The following PEX1 variants were observed in gnomAD, a reference collection of about 807,000 sequenced individuals.
PEX1 encodes peroxisomal biogenesis factor 1, also known as peroxisomal ATPase PEX1.
PEX1 carries 97 observed loss-of-function variants against 152.5 expected under a neutral mutation model. The observed-to-expected ratio is 0.64, with a 90% CI of 0.54 to 0.75. The LOEUF is 0.75. PEX1 is among the 30% of genes least tolerant of loss of function. The pLI, the probability that PEX1 is intolerant of heterozygous loss-of-function variation, is 0.00. For synonymous variants in PEX1, 485 were observed against 531.6 expected, an observed-to-expected ratio of 0.91 and a Z score of 1.21; for missense variants, 1,357 against 1,516.3, an observed-to-expected ratio of 0.89 and a Z score of 1.74.
chr7:92,526,891 T>C (rs1793290709), intron 1 of PEX1, among the ~76,000 whole-genome samples: 1 of 152,230 alleles, frequency 6.6e-6, no homozygotes, highest in Admixed American at 6.5e-5. Flanking sequence ...ACTTATTTTC[T>C]TGTTAATAAT....
At position 92,518,983 on chromosome 7, in the gene PEX1, G is replaced by A. The variant is rs1792932422; in HGVS notation, c.357+12C>T. 1 of 1,571,374 alleles carries A rather than the reference G, an allele frequency of 6.4e-7. No individual in the cohort carries two copies. Among genetic ancestry groups the A allele is most frequent in the East Asian group, 2.2e-5 (1 of 44,634 alleles). ...ACCTTAAATGAGATAGTTCTTATTT[G>A]GTTTTCTTTACCAGTATCTCCCAAT... is the stretch of plus-strand genomic sequence containing the variant. On this transcript the variant is annotated intron_variant, in intron 3 of 23. Coordinates refer to ENST00000248633, the MANE Select transcript of PEX1 (RefSeq NM_000466.3).
In PEX1 at chr7:92,511,153, T is replaced by C. The variant is rs200489532; in HGVS notation, c.1484-106A>G. On this transcript the variant is annotated intron_variant, in intron 7 of 23. Coordinates refer to ENST00000248633, the MANE Select transcript of PEX1 (RefSeq NM_000466.3). ...TTTAAGTTAAAGACTTTTTTTTTTT[T>C]CCCCCCAACAGGGTCTCACTCTGCT... The C allele has an allele frequency of 3.2e-3, 1,963 of 612,986 alleles. 14 individuals are homozygous for C. Among genetic ancestry groups the C allele is most frequent in the African/African-American group, 0.022 (1,106 of 51,408 alleles). 38.0% of individuals were successfully genotyped at this position (612,986 alleles called of 1,614,324 possible).
rs566868762 is a variant in PEX1 at position 92,487,445 on chromosome 7, AAG to A, written c.*10_*11del. On this transcript the variant is annotated 3_prime_UTR_variant, in exon 24 of 24. Coordinates refer to ENST00000248633, the MANE Select transcript of PEX1 (RefSeq NM_000466.3). ...AAAAACTTAACAGAACCAAATCAAA[AAG>A]AAGTATATTTTATGCTAAAGTTACT... is the stretch of plus-strand genomic sequence containing the variant. 278 of 1,453,158 alleles carry A rather than the reference AAG, an allele frequency of 1.9e-4. 1 individual carries two copies. Among genetic ancestry groups the A allele is most frequent in the Non-Finnish European group, 2.5e-4 (265 of 1,041,478 alleles). The allele number at this position is 1,453,158 out of a possible 1,614,324, so 90.0% of individuals were successfully genotyped here.
intron 2 of PEX1, among the ~76,000 whole-genome samples, chr7:92,520,967 A>G (rs775321333): frequency 6.6e-6 from 1 of 150,962 alleles, no homozygotes; most frequent in Non-Finnish European, 1.5e-5. Context: ...ATGAATATGT[A>G]TTATTACTAC....
intron 5 of PEX1, among the ~76,000 whole-genome samples, chr7:92,515,089 A>C (rs1227358443): frequency 0.04 from 169 of 4,234 alleles, 5 homozygotes; most frequent in Non-Finnish European, 0.053. Flanking sequence ...ATATATATAT[A>C]TATATATATA....
At chr7:92,522,058 T>G (rs1255674109) in intron 2 of PEX1, 44 bp downstream of exon 2, 8 of 1,583,618 alleles carry the variant, frequency 5.1e-6, no homozygotes, top group Non-Finnish European at 6.9e-6. Context: ...TATTGCTATA[T>G]TATGTGATAT....
rs955834633 is a variant in PEX1 at position 92,499,850 on chromosome 7, A to AC, written c.2584-13_2584-12insG. Reference sequence around the variant, plus strand: ...AATAATTCTGGATACTGAGAAACAAAAAAAAAAAATATGAAAAAGAGCTCA... The same window carrying AC: ...AATAATTCTGGATACTGAGAAACAAACAAAAAAAAATATGAAAAAGAGCTCA... On this transcript the variant is annotated splice_polypyrimidine_tract_variant and intron_variant, in intron 15 of 23. Transcript: ENST00000248633. The AC allele has an allele frequency of 1.5e-5, 22 of 1,500,728 alleles. No homozygotes were observed. Among genetic ancestry groups the AC allele is most frequent in the African/African-American group, 5.5e-5 (4 of 72,736 alleles). 93.0% of individuals were successfully genotyped at this position (1,500,728 alleles called of 1,614,324 possible). A position where few individuals can be genotyped will look rare whatever the true frequency, so the allele number is the denominator to read the frequency against.
At chr7:92,506,526 CCAGACAAAGACAACACAAAAA>C in intron 10 of PEX1, 182 bp from the exon 11 acceptor site, 1 of 597,404 alleles carries the variant, frequency 1.7e-6, no homozygotes, top group Non-Finnish European at 3.0e-6. Context: ...GATAGCAAAA[CCAGACAAAGACAACACAAAAA>C]CAGAAAACTG....
chr7:92,503,641 A>C (rs528435395), intron 12 of PEX1, among the ~76,000 whole-genome samples: 3 of 152,178 alleles, frequency 2.0e-5, no homozygotes, highest in Non-Finnish European at 4.4e-5. Context: ...TGAGAAGGTC[A>C]GAACTGAAAT....
At chr7:92,510,467 TA>T (rs1187272697) in intron 8 of PEX1, among the ~76,000 whole-genome samples, 7 of 149,926 alleles carry the variant, frequency 4.7e-5, no homozygotes, top group South Asian at 2.1e-4. Context: ...CACCGTCTTT[TA>T]AAAAAAAAAA....
At chr7:92,499,435 A>G (rs967918890) in intron 16 of PEX1, among the ~76,000 whole-genome samples, 1 of 152,242 alleles carries the variant, frequency 6.6e-6, no homozygotes, top group Non-Finnish European at 1.5e-5. Flanking sequence ...AAGTGAAAGA[A>G]GCCAGACAAA....
chr7:92,520,062 C>T (rs76103555), intron 2 of PEX1, among the ~76,000 whole-genome samples: 1,926 of 152,020 alleles, frequency 0.013, 50 homozygotes, highest in African/African-American at 0.044. Flanking sequence ...AAGCTAGAGA[C>T]TCAGTTTCTT....
intron 9 of PEX1, chr7:92,507,445 T>G: frequency 3.6e-6 from 1 of 279,332 alleles, no homozygotes; most frequent in East Asian, 9.3e-5. Context: ...GAGACGGGGT[T>G]TTGCCATGTT....
chr7:92,513,784 A>G lies in PEX1; in HGVS notation c.1359+64T>C, dbSNP rs1585247867. The G allele has an allele frequency of 1.6e-5, 20 of 1,234,368 alleles. No homozygotes were observed. The East Asian group carries it at 4.7e-4, about 29-fold the overall frequency. The allele number at this position is 1,234,368 out of a possible 1,614,324, so 76.5% of individuals were successfully genotyped here. ...TACAACATTCTTATTACTTAGCTAA[A>G]GCAACTAGAAATCTTACAAAACGTG... On this transcript the variant is annotated intron_variant, in intron 6 of 23. Transcript: ENST00000248633.
rs1792933649 is a variant in PEX1 at position 92,519,001 on chromosome 7, C to A, written c.351G>T (p.Glu117Asp). 1 of 1,606,770 alleles carries A rather than the reference C, an allele frequency of 6.2e-7. No individual in the cohort carries two copies. The highest frequency in any genetic ancestry group is 1.7e-5 in the Admixed American group (1 of 59,996). Residue 117 changes from glutamate (E) to aspartate (D), a missense_variant, in exon 3 of 24, where the codon GAG (glutamate) becomes GAT (aspartate). Glu to Asp is a conservative substitution (Grantham distance 45). Coordinates refer to ENST00000248633, the MANE Select transcript of PEX1 (RefSeq NM_000466.3). ...CTTATTTGGTTTTCTTTACCAGTAT[C>A]TCCCAATCATCTGCTGAGAGGGGTT... ...EVEPLSADDW[E>D]ILELHAVSLE...
At chr7:92,519,637 T>A (rs923027928) in intron 2 of PEX1, among the ~76,000 whole-genome samples, 1 of 152,198 alleles carries the variant, frequency 6.6e-6, no homozygotes, top group African/African-American at 2.4e-5. Flanking sequence ...TCTCATTATT[T>A]CTAGAAGTTT....
chr7:92,503,969 T>G (rs1423970293), intron 12 of PEX1, among the ~76,000 whole-genome samples: 1 of 152,084 alleles, frequency 6.6e-6, no homozygotes, highest in Non-Finnish European at 1.5e-5. Flanking sequence ...AACAGGGTAT[T>G]CCCCAACATA....
chr7:92,519,185 T>G, intron 2 of PEX1, 107 bp from the exon 3 acceptor site: 1 of 697,810 alleles, frequency 1.4e-6, no homozygotes. Flanking sequence ...TAGATGTGTG[T>G]GTATGTTTTG....
chr7:92,508,470 G>A lies in PEX1; in HGVS notation c.1670+859C>T, dbSNP rs148708390. ...GAAGGATTGCTTGAACCCAGGAGGC[G>A]GAGGTTGCAATGAGCTGAGATTGCA... On this transcript the variant is annotated intron_variant, in intron 9 of 23. Transcript: ENST00000248633. Among the ~76,000 whole-genome samples, 393 of 151,888 alleles carry A rather than the reference G, an allele frequency of 2.6e-3. 1 individual carries two copies. The highest frequency in any genetic ancestry group is 8.2e-3 in the African/African-American group (339 of 41,412).
Sources: allele counts gnomAD v4.1 joint callset (sites outside exome capture counted in the v4.1 genomes callset), GRCh38; gene constraint gnomAD v4.1.1; transcripts MANE v1.5; gene names NCBI Gene and HGNC (gene_info 2026-07-23, HGNC 2026-07-21).